Variants in GADL1 observed in about 807,000 individuals in gnomAD.
GADL1 encodes acidic amino acid decarboxylase GADL1.
Under a neutral mutation model 69.5 loss-of-function variants are expected in GADL1, and 71 were observed. That is an observed-to-expected ratio of 1.02 (90% CI 0.84 to 1.25). GADL1 has a LOEUF of 1.25. Ranked by LOEUF, GADL1 falls within the 50% of genes most tolerant of loss-of-function variation. The pLI is 0.00. For missense variants in GADL1, 737 were observed against 631.8 expected (o/e 1.17, Z -1.79); for synonymous variants, 254 against 214.4 (o/e 1.18, Z -1.62).
intron 1 of GADL1, among the ~76,000 whole-genome samples, chr3:30,865,472 C>CT (rs920282883): frequency 7.9e-5 from 12 of 151,886 alleles, no homozygotes; most frequent in African/African-American, 2.9e-4. Context: ...TTCCTGGTTC[C>CT]TTTAACCAAC....
At chr3:30,894,266 C>T (rs528721963) in intron 1 of GADL1, among the ~76,000 whole-genome samples, 28 of 152,322 alleles carry the variant, frequency 1.8e-4, no homozygotes, top group African/African-American at 6.0e-4. Flanking sequence ...GCAGGTACTT[C>T]CAATCTAACT....
intron 2 of GADL1, among the ~76,000 whole-genome samples, chr3:30,859,233 T>TGG (rs1250758420): frequency 2.0e-5 from 3 of 151,606 alleles, no homozygotes; most frequent in Non-Finnish European, 4.4e-5. Context: ...ACTGGGAGGC[T>TGG]GGGGGGAAGC....
chr3:30,754,459 A>G (rs1695914651), intron 14 of GADL1, among the ~76,000 whole-genome samples: 1 of 151,654 alleles, frequency 6.6e-6, no homozygotes, highest in Non-Finnish European at 1.5e-5. Flanking sequence ...AAAGCCTCAT[A>G]GGAATGCCAA....
At chr3:30,882,789 A>G (rs1392320384) in intron 1 of GADL1, among the ~76,000 whole-genome samples, 1 of 151,860 alleles carries the variant, frequency 6.6e-6, no homozygotes, top group Non-Finnish European at 1.5e-5. Context: ...AACAGTGTAC[A>G]AGTGCTCCAG....
intron 1 of GADL1, among the ~76,000 whole-genome samples, chr3:30,885,410 C>A (rs1698689993): frequency 6.6e-6 from 1 of 151,944 alleles, no homozygotes. Context: ...GAAAACCAAA[C>A]CAGATGGATA....
intron 12 of GADL1, among the ~76,000 whole-genome samples, chr3:30,788,109 G>A (rs1357576478): frequency 2.6e-5 from 4 of 152,142 alleles, no homozygotes; most frequent in Non-Finnish European, 5.9e-5. Flanking sequence ...TTTTTCAGAA[G>A]ACATGTAGCT....
intron 14 of GADL1, among the ~76,000 whole-genome samples, chr3:30,776,085 G>GGA (rs374539450): frequency 0.13 from 19,237 of 148,028 alleles, 3,676 homozygotes; most frequent in African/African-American, 0.42. Context: ...CTCCGTCTTG[G>GGA]AAAAAAAAAA....
chr3:30,778,292 G>A, intron 13 of GADL1, 24 bp from the exon 14 acceptor site: 1 of 1,403,466 alleles, frequency 7.1e-7, no homozygotes, highest in Middle Eastern at 1.8e-4. Flanking sequence ...AAAATATAAA[G>A]TTGTTATCTT....
intron 11 of GADL1, 106 bp from the exon 12 acceptor site, chr3:30,801,194 T>C (rs997282356): frequency 1.3e-5 from 10 of 793,620 alleles, no homozygotes; most frequent in Non-Finnish European, 2.0e-5. Context: ...CTGTGCCAAG[T>C]GTACATCTCA....
intron 14 of GADL1, among the ~76,000 whole-genome samples, chr3:30,752,500 C>T (rs1356494280): frequency 6.6e-6 from 1 of 152,168 alleles, no homozygotes; most frequent in African/African-American, 2.4e-5. Flanking sequence ...TGGGATAGCC[C>T]TGGCGATGAG....
intron 11 of GADL1, among the ~76,000 whole-genome samples, chr3:30,831,077 T>A (rs970762842): frequency 2.0e-5 from 3 of 151,994 alleles, no homozygotes; most frequent in Non-Finnish European, 4.4e-5. Flanking sequence ...CAAGCCTTTT[T>A]CTTAGTCTTC....
chr3:30,815,609 C>A (rs1054362576), intron 11 of GADL1, among the ~76,000 whole-genome samples: 1 of 152,012 alleles, frequency 6.6e-6, no homozygotes, highest in Non-Finnish European at 1.5e-5. Flanking sequence ...GTCTGGGGAC[C>A]GAATTGAGTT....
intron 11 of GADL1, among the ~76,000 whole-genome samples, chr3:30,832,963 A>C (rs1484864002): frequency 6.6e-6 from 1 of 152,026 alleles, no homozygotes; most frequent in Non-Finnish European, 1.5e-5. Flanking sequence ...TAAATATCAC[A>C]ATTTCTTTAA....
intron 12 of GADL1, among the ~76,000 whole-genome samples, chr3:30,796,835 CAT>C (rs1697042555): frequency 6.6e-6 from 1 of 152,140 alleles, no homozygotes; most frequent in African/African-American, 2.4e-5. Flanking sequence ...CGAGAGTCCT[CAT>C]ATAGTATTCA....
intron 14 of GADL1, among the ~76,000 whole-genome samples, chr3:30,770,054 G>A (rs1274411578): frequency 7.2e-6 from 1 of 139,384 alleles, no homozygotes; most frequent in Admixed American, 7.0e-5. Flanking sequence ...CGGCAACCCT[G>A]GCCTGCATTC....
intron 1 of GADL1, among the ~76,000 whole-genome samples, chr3:30,877,341 T>A (rs1233479129): frequency 6.6e-6 from 1 of 151,952 alleles, no homozygotes; most frequent in Non-Finnish European, 1.5e-5. Context: ...TGAACAATTT[T>A]GGGCAAAACT....
chr3:30,806,592 G>C (rs1490176568), intron 11 of GADL1, among the ~76,000 whole-genome samples: 2 of 152,134 alleles, frequency 1.3e-5, no homozygotes, highest in Non-Finnish European at 2.9e-5. Context: ...TTTCAGATGG[G>C]AATAGGAGCA....
At chr3:30,754,500 G>C (rs1186961604) in intron 14 of GADL1, among the ~76,000 whole-genome samples, 1 of 152,130 alleles carries the variant, frequency 6.6e-6, no homozygotes, top group Non-Finnish European at 1.5e-5. Context: ...AGGAGTTCTG[G>C]GAGCATCAAG....
intron 12 of GADL1, chr3:30,799,543 A>AG (rs1232974147): frequency 6.6e-6 from 1 of 152,212 alleles, no homozygotes; most frequent in Non-Finnish European, 1.5e-5. Context: ...ACTGCCATGA[A>AG]GACCTATGAC....
Sources: gnomAD v4.1 joint callset for allele counts (sites outside exome capture counted in the v4.1 genomes callset) on GRCh38, gnomAD v4.1.1 for gene constraint, MANE v1.5 for transcripts, NCBI Gene and HGNC (gene_info 2026-07-23, HGNC 2026-07-21) for gene names.